AKAP9: variants seen among roughly 807,000 people sequenced by gnomAD.
The protein encoded by AKAP9 is A-kinase anchor protein 9.
A neutral mutation model predicts 488.5 loss-of-function variants in AKAP9; 311 were observed. The observed-to-expected ratio is 0.64, with a 90% CI of 0.58 to 0.70. AKAP9 has a LOEUF of 0.70. Among genes scored for constraint, AKAP9 ranks in the 30% least tolerant of loss-of-function variants. The probability of loss-of-function intolerance (pLI) is 0.00; values close to 1 mark genes in which losing one functional copy is unlikely to be tolerated. For missense variants in AKAP9, 4,215 were observed against 4,374.5 expected, an observed-to-expected ratio of 0.96 and a Z score of 1.03; for synonymous variants, 1,462 against 1,483.5, an observed-to-expected ratio of 0.99 and a Z score of 0.33.
chr7:92,009,397 A>G (rs1800383288), intron 8 of AKAP9, among the ~76,000 whole-genome samples: 2 of 152,248 alleles, frequency 1.3e-5, no homozygotes, highest in Admixed American at 6.5e-5. Flanking sequence ...GGAAGAATAT[A>G]AACTACCAGA....
At position 92,098,186 on chromosome 7, in the gene AKAP9, A is replaced by C; in HGVS notation, c.10685A>C (p.Gln3562Pro). Residue 3562 changes from glutamine to proline, a missense_variant, in exon 43 of 50, where the codon CAG (glutamine) becomes CCG (proline). Gln to Pro is a moderately conservative substitution (Grantham distance 76). Transcript: ENST00000356239. ...ENIDEIILQL[Q>P]KLTGQQGEEP... is the part of the protein sequence containing the mutation. Reference sequence around the variant, plus strand: ...ATTGATGAAATTATTTTACAACTACAGAAATTAACTGGCCAGCAAGGTGAA... The same window carrying C: ...ATTGATGAAATTATTTTACAACTACCGAAATTAACTGGCCAGCAAGGTGAA... 6.2e-7 allele frequency: 1 copy of C among 1,610,614 alleles called. No homozygotes were observed. The highest frequency in any genetic ancestry group is 8.5e-7 in the Non-Finnish European group (1 of 1,176,938).
chr7:91,971,713 G>A (rs1218832561), intron 1 of AKAP9, among the ~76,000 whole-genome samples: 3 of 151,370 alleles, frequency 2.0e-5, no homozygotes, highest in Non-Finnish European at 2.9e-5. Context: ...GATTACAGGC[G>A]CCTGCCACCA....
rs73226335 is a variant in AKAP9 at position 92,033,033 on chromosome 7, G to A, written c.4338+1429G>A. The stretch of plus-strand genomic sequence containing the variant: ...GTAGCAATTTTTATAAGGATTCAAT[G>A]AGCTAATGCATATAGAACACTTAGC... On this transcript the variant is annotated intron_variant, in intron 16 of 49. Coordinates refer to ENST00000356239, the MANE Select transcript of AKAP9 (RefSeq NM_005751.5). Among the ~76,000 whole-genome samples, 301 of 152,266 alleles carry A rather than the reference G, an allele frequency of 2.0e-3. 1 individual carries two copies. Among genetic ancestry groups the A allele is most frequent in the Admixed American group, 3.3e-3 (51 of 15,296 alleles).
rs777146270 is a variant in AKAP9, at chr7:92,031,633, T to A, written c.4338+29T>A. 13 of 1,504,186 alleles carry A rather than the reference T, an allele frequency of 8.6e-6. No individual in the cohort carries two copies. In the South Asian group the frequency reaches 1.5e-4, roughly 17 times the overall value. The allele number at this position is 1,504,186 out of a possible 1,614,324, so 93.2% of individuals were successfully genotyped here. A position where few individuals can be genotyped will look rare whatever the true frequency, so the allele number is the denominator to read the frequency against. ...GGCTTATAGCTTATCTGGAAGATTA[T>A]CTTGGTTTATATTCCCTTTGAGCCT... On this transcript the variant is annotated intron_variant, in intron 16 of 49. Transcript: ENST00000356239.
At chr7:91,982,719 G>A (rs551261061) in intron 3 of AKAP9, among the ~76,000 whole-genome samples, 4 of 152,218 alleles carry the variant, frequency 2.6e-5, no homozygotes, top group South Asian at 2.1e-4. Flanking sequence ...TAATGGGATC[G>A]CTGGGTCAGA....
At chr7:92,003,445 C>T (rs928682869) in intron 8 of AKAP9, among the ~76,000 whole-genome samples, 1 of 151,408 alleles carries the variant, frequency 6.6e-6, no homozygotes, top group African/African-American at 2.4e-5. Flanking sequence ...GTTAATCTAT[C>T]TTGTATATTC....
At chr7:91,984,394 C>T (rs935294869) in intron 3 of AKAP9, among the ~76,000 whole-genome samples, 6 of 152,166 alleles carry the variant, frequency 3.9e-5, no homozygotes, top group Admixed American at 3.3e-4. Context: ...GGAATCCTTT[C>T]GCCATTTCTT....
At chr7:92,092,865 T>G in intron 38 of AKAP9, 1 of 450,540 alleles carries the variant, frequency 2.2e-6, no homozygotes, top group Non-Finnish European at 4.1e-6. Context: ...CAGGCTGGTC[T>G]TGAACTCCTG....
At chr7:91,955,409 C>G (rs1427871349) in intron 1 of AKAP9, among the ~76,000 whole-genome samples, 1 of 152,176 alleles carries the variant, frequency 6.6e-6, no homozygotes, top group Non-Finnish European at 1.5e-5. Context: ...CTCATCTAAT[C>G]CCAACCCCTC....
At chr7:92,025,880 T>G (rs1043916501) in intron 14 of AKAP9, among the ~76,000 whole-genome samples, 1 of 152,222 alleles carries the variant, frequency 6.6e-6, no homozygotes, top group Non-Finnish European at 1.5e-5. Flanking sequence ...GTGTAATCAC[T>G]GAAATAATAA....
intron 26 of AKAP9, among the ~76,000 whole-genome samples, chr7:92,067,274 C>T (rs922783092): frequency 6.6e-5 from 10 of 152,152 alleles, no homozygotes; most frequent in Non-Finnish European, 1.5e-4. Context: ...ATTGGATATC[C>T]AGTGCCTACT....
At chr7:92,053,961 CT>C (rs1412042433) in intron 22 of AKAP9, among the ~76,000 whole-genome samples, 2 of 152,242 alleles carry the variant, frequency 1.3e-5, no homozygotes, top group African/African-American at 4.8e-5. Flanking sequence ...ACATTGTTCT[CT>C]GGCTTAATTT....
At chr7:92,013,946 G>T (rs1801152194) in intron 9 of AKAP9, among the ~76,000 whole-genome samples, 1 of 151,756 alleles carries the variant, frequency 6.6e-6, no homozygotes, top group African/African-American at 2.4e-5. Flanking sequence ...AATAAATATT[G>T]ATTTCTGAGA....
At chr7:91,995,443 G>A (rs559377086) in intron 6 of AKAP9, among the ~76,000 whole-genome samples, 160 bp from the exon 7 acceptor site, 1 of 152,072 alleles carries the variant, frequency 6.6e-6, no homozygotes, top group African/African-American at 2.4e-5. Context: ...TTATTGGCTC[G>A]GCTTGGGTAT....
Position 92,079,230 on chromosome 7 carries a change from T to A in AKAP9, c.7097T>A (p.Ile2366Asn). Residue 2366 changes from isoleucine (I) to asparagine (N), a missense_variant, in exon 31 of 50, where the codon ATT (isoleucine) becomes AAT (asparagine). Ile to Asn is a moderately radical substitution (Grantham distance 149, BLOSUM62 -3). Transcript: ENST00000356239. ...AAACTTCAACAGGAATTGGCAAATATTGGACAGAAGACATCAATGAATGCT... is the reference window on the plus strand; with the variant it reads ...AAACTTCAACAGGAATTGGCAAATAATGGACAGAAGACATCAATGAATGCT... ...IEKLQQELAN[I>N]GQKTSMNAHS... The A allele has an allele frequency of 6.2e-7, 1 of 1,613,994 alleles. No homozygotes were observed. The highest frequency in any genetic ancestry group is 8.5e-7 in the Non-Finnish European group (1 of 1,179,964).
chr7:92,025,422 C>G (rs1802957755), intron 14 of AKAP9, among the ~76,000 whole-genome samples: 1 of 152,178 alleles, frequency 6.6e-6, no homozygotes, highest in Admixed American at 6.5e-5. Context: ...TTTTACTCAC[C>G]ACCGTCCTCA....
chr7:92,001,371 A>C lies in AKAP9; in HGVS notation c.1454A>C (p.Glu485Ala). Residue 485 changes from glutamate to alanine, a missense_variant, in exon 8 of 50, where the codon GAA becomes GCA. Physicochemically the swap from Glu to Ala is moderately radical, Grantham distance 107. Transcript: ENST00000356239. Reference sequence around the variant, plus strand: ...TCATATTCAAATATTACAGTTAATGAAGATCAGATAAAGTTAATGAATGTG... The same window carrying C: ...TCATATTCAAATATTACAGTTAATGCAGATCAGATAAAGTTAATGAATGTG... Reference protein sequence around the residue: ...LRSYSNITVNEDQIKLMNVAI... With the variant: ...LRSYSNITVNADQIKLMNVAI... The C allele has an allele frequency of 6.2e-7, 1 of 1,613,842 alleles. No individual in the cohort carries two copies. The highest frequency in any genetic ancestry group is 8.5e-7 in the Non-Finnish European group (1 of 1,179,782).
Position 92,099,722 on chromosome 7 carries a change from A to T in AKAP9, c.10749A>T (p.Ser3583=). ...TGTCCCCAAGTACTTCTTGTGGCTC[A>T]TTGACTGAAAGACTACTGAGACAAA... ...SLVSPSTSCG[S]LTERLLRQNA... is the part of the protein sequence containing the mutation. Residue 3583 remains serine, a synonymous_variant, in exon 44 of 50, where the codon TCA becomes TCT. Coordinates refer to ENST00000356239, the MANE Select transcript of AKAP9 (RefSeq NM_005751.5). 1 of 1,614,022 alleles carries T rather than the reference A, an allele frequency of 6.2e-7. No individual in the cohort carries two copies. The highest frequency in any genetic ancestry group is 2.2e-5 in the East Asian group (1 of 44,870).
chr7:92,109,932 C>T (rs562068571), intron 49 of AKAP9, among the ~76,000 whole-genome samples, 190 bp from the exon 50 acceptor site: 77 of 152,084 alleles, frequency 5.1e-4, no homozygotes, highest in Admixed American at 3.2e-3. Context: ...GCCTGGGCAA[C>T]AGAGTAACAC....
Sources: gnomAD v4.1 joint callset for allele counts (sites outside exome capture counted in the v4.1 genomes callset) on GRCh38, gnomAD v4.1.1 for gene constraint, MANE v1.5 for transcripts, NCBI Gene and HGNC (gene_info 2026-07-23, HGNC 2026-07-21) for gene names.